The following CACNA2D1 variants were observed in gnomAD, a reference collection of about 807,000 sequenced individuals.
CACNA2D1 encodes calcium voltage-gated channel auxiliary subunit alpha2delta 1, also known as voltage-dependent calcium channel subunit alpha-2/delta-1.
Under a neutral mutation model 171.5 loss-of-function variants are expected in CACNA2D1, and 53 were observed. The ratio of observed to expected loss-of-function variants is 0.31; its 90% confidence interval spans 0.25 to 0.39. The LOEUF (loss-of-function observed/expected upper bound fraction) is 0.39. Among genes scored for constraint, CACNA2D1 ranks in the 10% least tolerant of loss-of-function variants. CACNA2D1 has a pLI of 1.00. For synonymous variants in CACNA2D1, 442 were observed against 443.1 expected, an observed-to-expected ratio of 1.00 and a Z score of 0.03; for missense variants, 903 against 1,299.8, an observed-to-expected ratio of 0.69 and a Z score of 4.69.
chr7:81,979,315 T>A (rs1796202062), intron 24 of CACNA2D1, among the ~76,000 whole-genome samples: 2 of 152,152 alleles, frequency 1.3e-5, no homozygotes, highest in South Asian at 2.1e-4. Context: ...AAAAAAAATA[T>A]GAAATGTGAC....
At chr7:82,213,767 C>A (rs755222728) in intron 3 of CACNA2D1, among the ~76,000 whole-genome samples, 1 of 152,116 alleles carries the variant, frequency 6.6e-6, no homozygotes, top group Non-Finnish European at 1.5e-5. Flanking sequence ...CAGCTGTGTA[C>A]AGACTCAGGC....
intron 4 of CACNA2D1, among the ~76,000 whole-genome samples, chr7:82,159,903 T>C (rs1337650382): frequency 9.0e-6 from 1 of 110,942 alleles, no homozygotes; most frequent in African/African-American, 3.6e-5. Context: ...TAACGTGATG[T>C]TCCTGATGAA....
chr7:82,280,313 C>G (rs1041006880), intron 3 of CACNA2D1, among the ~76,000 whole-genome samples: 4 of 152,044 alleles, frequency 2.6e-5, no homozygotes, highest in Non-Finnish European at 5.9e-5. Context: ...ATTTGAGTGA[C>G]AAAAGTACTG....
At chr7:82,114,080 A>T (rs910533955) in intron 6 of CACNA2D1, among the ~76,000 whole-genome samples, 1 of 152,154 alleles carries the variant, frequency 6.6e-6, no homozygotes, top group Non-Finnish European at 1.5e-5. Context: ...ATCTGTAGCT[A>T]TTTACAAATA....
At chr7:82,173,571 A>G (rs1470201643) in intron 3 of CACNA2D1, among the ~76,000 whole-genome samples, 1 of 151,896 alleles carries the variant, frequency 6.6e-6, no homozygotes, top group Non-Finnish European at 1.5e-5. Context: ...GACTTAGTCT[A>G]TCTCGGGACT....
chr7:82,249,172 A>C (rs1288993373), intron 3 of CACNA2D1, among the ~76,000 whole-genome samples: 1 of 152,098 alleles, frequency 6.6e-6, no homozygotes, highest in Non-Finnish European at 1.5e-5. Context: ...CCAAGGTGTC[A>C]TGGGAGCACA....
chr7:82,022,222 A>AACACACACAC lies in CACNA2D1; in HGVS notation c.1144-7753_1144-7744dup, dbSNP rs71520795. On this transcript the variant is annotated intron_variant, in intron 12 of 38. Coordinates refer to ENST00000356860, the MANE Select transcript of CACNA2D1 (RefSeq NM_000722.4). ...GTAAATAAATGTTATCAGAGACAAGAACACACACACACACACACACACACA... is the reference window on the plus strand; with the variant it reads ...GTAAATAAATGTTATCAGAGACAAGAACACACACACACACACACACACACACACACACACA... Among the ~76,000 whole-genome samples, 1,335 of 145,848 alleles carry AACACACACAC rather than the reference A, an allele frequency of 9.2e-3. 4 individuals are homozygous for AACACACACAC. Among genetic ancestry groups the AACACACACAC allele is most frequent in the African/African-American group, 0.012 (476 of 40,170 alleles).
intron 3 of CACNA2D1, among the ~76,000 whole-genome samples, chr7:82,171,202 G>A (rs1056517367): frequency 3.9e-5 from 6 of 152,038 alleles, no homozygotes; most frequent in Non-Finnish European, 8.8e-5. Flanking sequence ...TGCTAAAGTA[G>A]TTAAGAATTA....
chr7:82,281,113 T>C (rs1172591047), intron 3 of CACNA2D1, among the ~76,000 whole-genome samples: 1 of 152,168 alleles, frequency 6.6e-6, no homozygotes, highest in Non-Finnish European at 1.5e-5. Context: ...CATCAACTAA[T>C]CAAGTCCTCC....
chr7:82,147,217 T>C (rs1584918593), intron 4 of CACNA2D1, among the ~76,000 whole-genome samples: 1 of 152,116 alleles, frequency 6.6e-6, no homozygotes, highest in Admixed American at 6.5e-5. Flanking sequence ...GCTCTTGAAC[T>C]TCAAAGGAGA....
chr7:82,003,754 T>G (rs1244841468), intron 18 of CACNA2D1, among the ~76,000 whole-genome samples: 12 of 150,678 alleles, frequency 8.0e-5, no homozygotes. Context: ...CTTTTTTTTT[T>G]TTTTTTTGAG....
In CACNA2D1 at chr7:82,181,041, ATTTTTTTTTTTTT is replaced by A. The variant is rs71093367; in HGVS notation, c.295-10445_295-10433del. Reference sequence around the variant, plus strand: ...GGTCAGCAGCTGTGGGGCATGTCGGATTTTTTTTTTTTTTTTTTTTTTTTTTTTTTTTTTTTGC... The same window carrying A: ...GGTCAGCAGCTGTGGGGCATGTCGGATTTTTTTTTTTTTTTTTTTTTTTGC... On this transcript the variant is annotated intron_variant, in intron 3 of 38. Coordinates refer to ENST00000356860, the MANE Select transcript of CACNA2D1 (RefSeq NM_000722.4). Among the ~76,000 whole-genome samples the A allele has an allele frequency of 1.0e-2, 139 of 13,942 alleles. 2 individuals carry two copies. The highest frequency in any genetic ancestry group is 0.023 in the African/African-American group (97 of 4,144). The allele number at this position is 13,942 out of a possible 152,430, so 9.1% of individuals were successfully genotyped here. A position where few individuals can be genotyped will look rare whatever the true frequency, so the allele number is the denominator to read the frequency against.
intron 16 of CACNA2D1, among the ~76,000 whole-genome samples, chr7:82,007,413 A>G (rs1799237609): frequency 6.6e-6 from 1 of 152,070 alleles, no homozygotes; most frequent in Admixed American, 6.6e-5. Context: ...TTATCATATA[A>G]TTACTCCCAG....
At chr7:82,257,370 GA>G (rs1806431724) in intron 3 of CACNA2D1, among the ~76,000 whole-genome samples, 1 of 152,156 alleles carries the variant, frequency 6.6e-6, no homozygotes, top group Non-Finnish European at 1.5e-5. Flanking sequence ...TCTTGACACT[GA>G]AAACACACAT....
At chr7:82,041,541 A>G (rs2131235965) in intron 10 of CACNA2D1, among the ~76,000 whole-genome samples, 1 of 152,344 alleles carries the variant, frequency 6.6e-6, no homozygotes, top group Admixed American at 6.5e-5. Context: ...TCCTGCACAG[A>G]TAGTAAGTCC....
rs1379575076 is a variant in CACNA2D1, at chr7:82,443,383, G to C, written c.77C>G (p.Pro26Arg). ...GACTTACGTGACGGCCGAAGGGAAC[G>C]GCTCCTCCGACGAGGGGCCGATGAG... ...SLLIGPSSEE[P>R]FPSAVTIKSW... is the part of the protein sequence containing the mutation. Residue 26 changes from proline (P) to arginine (R), a missense_variant, in exon 1 of 39, where the codon CCG becomes CGG. Around this residue, in one of 5 missense-constraint regions of CACNA2D1, gnomAD observed 189 missense variants for 266.8 expected, o/e 0.71. Coordinates refer to ENST00000356860, the MANE Select transcript of CACNA2D1 (RefSeq NM_000722.4). The C allele has an allele frequency of 1.2e-6, 2 of 1,603,494 alleles. No individual in the cohort carries two copies.
At chr7:82,251,389 A>G (rs1805623649) in intron 3 of CACNA2D1, among the ~76,000 whole-genome samples, 2 of 152,212 alleles carry the variant, frequency 1.3e-5, no homozygotes, top group African/African-American at 4.8e-5. Flanking sequence ...GTAATTTGTT[A>G]TACATTGCTG....
chr7:82,177,422 A>G (rs1445248174), intron 3 of CACNA2D1, among the ~76,000 whole-genome samples: 1 of 152,098 alleles, frequency 6.6e-6, no homozygotes, highest in Non-Finnish European at 1.5e-5. Context: ...GAGAAATTCC[A>G]CAAGTTTCAT....
intron 11 of CACNA2D1, among the ~76,000 whole-genome samples, chr7:82,035,194 T>C (rs141548644): frequency 4.1e-4 from 63 of 152,164 alleles, no homozygotes; most frequent in African/African-American, 1.4e-3. Flanking sequence ...CTATATAAAG[T>C]TTTTTTGAAA....
Sources: gnomAD v4.1 joint callset for allele counts (sites outside exome capture counted in the v4.1 genomes callset) on GRCh38, gnomAD v4.1.1 for gene constraint, gnomAD v4.1.1 regional missense constraint, MANE v1.5 for transcripts, NCBI Gene and HGNC (gene_info 2026-07-23, HGNC 2026-07-21) for gene names.